The following TMCO4 variants were observed in gnomAD, a reference collection of about 807,000 sequenced individuals.
TMCO4 encodes the protein transmembrane and coiled-coil domains 4.
TMCO4 carries 58 observed loss-of-function variants against 64.7 expected under a neutral mutation model. The observed-to-expected ratio is 0.90, with a 90% CI of 0.73 to 1.12. The LOEUF (loss-of-function observed/expected upper bound fraction) is 1.12, where lower values mean the gene tolerates loss of function less well. Among genes scored for constraint, TMCO4 ranks in the 50% most tolerant of loss-of-function variants. The pLI, the probability that TMCO4 is intolerant of heterozygous loss-of-function variation, is 0.00. For missense variants in TMCO4, 780 were observed against 825.9 expected, an observed-to-expected ratio of 0.94 and a Z score of 0.68; for synonymous variants, 325 against 346.1, an observed-to-expected ratio of 0.94 and a Z score of 0.68.
intron 2 of TMCO4, among the ~76,000 whole-genome samples, chr1:19,787,911 A>T (rs866066872): frequency 6.6e-6 from 1 of 152,074 alleles, no homozygotes; most frequent in Non-Finnish European, 1.5e-5. Flanking sequence ...ACGCACCACC[A>T]TGCCTGGCTA....
At chr1:19,702,687 C>T (rs2095281028) in intron 13 of TMCO4, among the ~76,000 whole-genome samples, 1 of 152,150 alleles carries the variant, frequency 6.6e-6, no homozygotes, top group Non-Finnish European at 1.5e-5. Flanking sequence ...TTGCTTGAGC[C>T]CAGGAGTTTG....
chr1:19,771,950 G>A (rs1021513903), intron 4 of TMCO4, among the ~76,000 whole-genome samples: 1 of 152,182 alleles, frequency 6.6e-6, no homozygotes, highest in Non-Finnish European at 1.5e-5. Flanking sequence ...GAGACACCGT[G>A]CCCAGCCTGG....
At chr1:19,728,133 T>C (rs1427524945) in intron 13 of TMCO4, among the ~76,000 whole-genome samples, 2 of 152,126 alleles carry the variant, frequency 1.3e-5, no homozygotes, top group African/African-American at 4.8e-5. Context: ...GATAAAATAA[T>C]CTGCACAACA....
intron 15 of TMCO4, among the ~76,000 whole-genome samples, chr1:19,684,876 C>T (rs1367591913): frequency 6.6e-6 from 1 of 152,164 alleles, no homozygotes; most frequent in Non-Finnish European, 1.5e-5. Flanking sequence ...ATGGCCAGAG[C>T]TTGAGCAGCC....
chr1:19,721,820 A>AAC (rs1017506696), intron 13 of TMCO4, among the ~76,000 whole-genome samples: 35 of 151,268 alleles, frequency 2.3e-4, no homozygotes, highest in East Asian at 5.8e-4. Flanking sequence ...AACAAAACAC[A>AAC]ACACACACAC....
At chr1:19,686,113 A>T (rs1418061891) in intron 15 of TMCO4, among the ~76,000 whole-genome samples, 1 of 152,220 alleles carries the variant, frequency 6.6e-6, no homozygotes, top group African/African-American at 2.4e-5. Flanking sequence ...CACTTTACAG[A>T]GAAGGGCAGC....
intron 7 of TMCO4, among the ~76,000 whole-genome samples, chr1:19,750,656 T>C (rs2041988305): frequency 6.6e-6 from 1 of 152,120 alleles, no homozygotes; most frequent in South Asian, 2.1e-4. Flanking sequence ...TGTGTCCTGA[T>C]CCCTCTCTCC....
chr1:19,797,306 T>C lies in TMCO4; in HGVS notation c.-101+831A>G, dbSNP rs926941242. Among the ~76,000 whole-genome samples the C allele has an allele frequency of 4.6e-5, 7 of 152,222 alleles. No individual in the cohort carries two copies. The South Asian group carries it at 8.3e-4, about 18-fold the overall frequency. On this transcript the variant is annotated intron_variant, in intron 2 of 15. Transcript: ENST00000294543. ...CTGAACTTAACCTCTGACATACCAG[T>C]AGAAGTCTTGTGGCCTGGGCATTTG...
intron 13 of TMCO4, among the ~76,000 whole-genome samples, chr1:19,724,162 G>A (rs1376631062): frequency 1.3e-5 from 2 of 152,170 alleles, no homozygotes; most frequent in African/African-American, 4.8e-5. Context: ...CTGCCAGTTG[G>A]GCTAAAGACA....
chr1:19,763,982 T>C (rs954424407), intron 6 of TMCO4, among the ~76,000 whole-genome samples: 8 of 152,202 alleles, frequency 5.3e-5, no homozygotes, highest in Non-Finnish European at 1.2e-4. Flanking sequence ...TTAAGGGCAT[T>C]AAGGCAGTGA....
intron 4 of TMCO4, among the ~76,000 whole-genome samples, chr1:19,773,779 A>G (rs911847765): frequency 1.3e-5 from 2 of 152,206 alleles, no homozygotes; most frequent in African/African-American, 4.8e-5. Flanking sequence ...TGAGCCTGGC[A>G]TGTAGTAGAG....
intron 13 of TMCO4, among the ~76,000 whole-genome samples, chr1:19,703,111 G>A (rs1228975526): frequency 6.6e-6 from 1 of 152,182 alleles, no homozygotes; most frequent in Non-Finnish European, 1.5e-5. Flanking sequence ...TACAGATTTG[G>A]TGCTCAATAA....
At chr1:19,790,938 G>A (rs962900997) in intron 2 of TMCO4, among the ~76,000 whole-genome samples, 5 of 151,978 alleles carry the variant, frequency 3.3e-5, no homozygotes, top group Non-Finnish European at 7.3e-5. Context: ...ATTGGATAAA[G>A]AAAATGTGGT....
At chr1:19,687,529 A>G (rs2095158981) in intron 15 of TMCO4, among the ~76,000 whole-genome samples, 1 of 152,134 alleles carries the variant, frequency 6.6e-6, no homozygotes, top group Non-Finnish European at 1.5e-5. Flanking sequence ...CCCTTACCTT[A>G]GTTTCCTACG....
chr1:19,759,093 C>A (rs1171159871), intron 6 of TMCO4, among the ~76,000 whole-genome samples: 1 of 127,444 alleles, frequency 7.8e-6, no homozygotes, highest in Admixed American at 8.7e-5. Context: ...CAGAGAGAGA[C>A]TCGGTCTCAA....
At chr1:19,775,017 C>T (rs1287909692) in intron 4 of TMCO4, among the ~76,000 whole-genome samples, 5 of 152,176 alleles carry the variant, frequency 3.3e-5, no homozygotes, top group African/African-American at 1.2e-4. Flanking sequence ...CCCCTTTCAT[C>T]CTACCCCATC....
At chr1:19,746,985 C>T (rs1199319121) in intron 8 of TMCO4, among the ~76,000 whole-genome samples, 178 bp downstream of exon 8, 2 of 151,600 alleles carry the variant, frequency 1.3e-5, no homozygotes, top group African/African-American at 4.8e-5. Flanking sequence ...TACCTACTGC[C>T]TCCCATGGAA....
intron 6 of TMCO4, among the ~76,000 whole-genome samples, chr1:19,768,374 G>A (rs1307356472): frequency 6.6e-6 from 1 of 152,162 alleles, no homozygotes; most frequent in South Asian, 2.1e-4. Context: ...TCTCTCCAAG[G>A]GAGTCCAGGA....
At chr1:19,742,301 T>C (rs1202646172) in intron 10 of TMCO4, among the ~76,000 whole-genome samples, 2 of 152,248 alleles carry the variant, frequency 1.3e-5, no homozygotes, top group African/African-American at 2.4e-5. Context: ...ACAGTCTGCT[T>C]TGCCAAGCAC....
Sources: gnomAD v4.1 joint callset for allele counts (sites outside exome capture counted in the v4.1 genomes callset) on GRCh38, gnomAD v4.1.1 for gene constraint, MANE v1.5 for transcripts, NCBI Gene and HGNC (gene_info 2026-07-23, HGNC 2026-07-21) for gene names.